RBM38: variants seen among roughly 807,000 people sequenced by gnomAD.
RBM38 encodes the protein RNA binding motif protein 38, also known as RNA-binding protein 38.
Under a neutral mutation model 23.5 loss-of-function variants are expected in RBM38, and 11 were observed. The observed-to-expected ratio is 0.47, with a 90% confidence interval of 0.29 to 0.77. RBM38 has a LOEUF of 0.77. RBM38 is among the 30% of genes least tolerant of loss of function. The probability of loss-of-function intolerance (pLI) is 0.08; values close to 1 mark genes in which losing one functional copy is unlikely to be tolerated. For synonymous variants in RBM38, 165 were observed against 166.1 expected (o/e 0.99, Z 0.05); for missense variants, 330 against 351.9 (o/e 0.94, Z 0.50).
Position 57,407,819 on chromosome 20 carries a change from G to C in RBM38, c.693G>C (p.Pro231=). 1 of 1,580,206 alleles carries C rather than the reference G, an allele frequency of 6.3e-7. No individual in the cohort carries two copies. Among genetic ancestry groups the C allele is most frequent in the Non-Finnish European group, 8.6e-7 (1 of 1,166,490 alleles). Residue 231 remains proline (P), a synonymous_variant, in exon 4 of 4, where the codon CCG becomes CCC. Transcript: ENST00000356208. The surrounding 1 kb of genome is among the most constrained non-coding windows in gnomAD (Gnocchi z 4.0). ...AGTTFVQYQA[P]QLQPDRMQ Reference sequence around the variant, plus strand: ...CCACTTTCGTGCAGTACCAGGCGCCGCAGCTGCAGCCTGACAGGATGCAGT... The same window carrying C: ...CCACTTTCGTGCAGTACCAGGCGCCCCAGCTGCAGCCTGACAGGATGCAGT...
rs1426533830 is a variant in RBM38 at position 57,391,796 on chromosome 20, G to A, written c.215G>A (p.Gly72Asp). 5 of 1,563,872 alleles carry A rather than the reference G, an allele frequency of 3.2e-6. No individual in the cohort carries two copies. Among genetic ancestry groups the A allele is most frequent in the African/African-American group, 1.4e-5 (1 of 71,444 alleles). Reference sequence around the variant, plus strand: ...GTGGTCATCACCGACCGCCAGACGGGCAAGTCCCGCGGCTACGGCTTCGTA... The same window carrying A: ...GTGGTCATCACCGACCGCCAGACGGACAAGTCCCGCGGCTACGGCTTCGTA... ...EAVVITDRQT[G>D]KSRGYGFVTM... The change falls in exon 1 of 4, where the codon GGC becomes GAC. Residue 72 changes from glycine to aspartate, a missense_variant. By Grantham distance (94) the Gly-to-Asp change is moderately conservative (BLOSUM62 -1). This residue lies in a region of RBM38 where 95 missense variants were observed against 111.9 expected (regional missense o/e 0.85). Transcript: ENST00000356208.
chr20:57,407,942 A>G lies in RBM38; in HGVS notation c.*96A>G, dbSNP rs1313088811. ...GCTGGCGACAGCCCGGCTGAGCTTCAGTGAGGTGCCACCAGCACCCGTGCC... is the reference window on the plus strand; with the variant it reads ...GCTGGCGACAGCCCGGCTGAGCTTCGGTGAGGTGCCACCAGCACCCGTGCC... On this transcript the variant is annotated 3_prime_UTR_variant, in exon 4 of 4. Coordinates refer to ENST00000356208, the MANE Select transcript of RBM38 (RefSeq NM_017495.6). The surrounding 1 kb of genome is among the most constrained non-coding windows in gnomAD (Gnocchi z 4.0). 14 of 1,433,210 alleles carry G rather than the reference A, an allele frequency of 9.8e-6. No homozygotes were observed. In the Admixed American group the frequency reaches 2.8e-4, roughly 29 times the overall value. 88.8% of individuals were successfully genotyped at this position (1,433,210 alleles called of 1,614,324 possible).
In RBM38 at chr20:57,392,796, C is replaced by A; in HGVS notation, c.361+19C>A. On this transcript the variant is annotated intron_variant, in intron 2 of 3. Transcript: ENST00000356208. The stretch of plus-strand genomic sequence containing the variant: ...CAGACGGGTGAGAGCTTGTGTTTTC[C>A]TGCCTGGCTCTTCTCGGTTTCTATA... 6.2e-7 allele frequency: 1 copy of A among 1,608,314 alleles called. No homozygotes were observed. Among genetic ancestry groups the A allele is most frequent in the Non-Finnish European group, 8.5e-7 (1 of 1,178,254 alleles).
intron 3 of RBM38, among the ~76,000 whole-genome samples, chr20:57,406,729 C>T (rs937999888): frequency 3.3e-5 from 5 of 152,108 alleles, no homozygotes; most frequent in African/African-American, 1.2e-4. Context: ...CACGGTGGCT[C>T]ACGCCTGTAA....
Position 57,408,442 on chromosome 20 carries a change from C to G in RBM38, c.*596C>G. 1 of 152,990 alleles carries G rather than the reference C, an allele frequency of 6.5e-6. No individual in the cohort carries two copies. Among genetic ancestry groups the G allele is most frequent in the East Asian group, 1.9e-4 (1 of 5,196 alleles). The allele number at this position is 152,990 out of a possible 1,614,324, so 9.5% of individuals were successfully genotyped here. ...CCAGGCGCACAGGGGCCGCCGGTAA[C>G]AGGGGCCGCCGGCCAAAGGCCCCTT... is the stretch of plus-strand genomic sequence containing the variant. On this transcript the variant is annotated 3_prime_UTR_variant, in exon 4 of 4. Coordinates refer to ENST00000356208, the MANE Select transcript of RBM38 (RefSeq NM_017495.6).
At position 57,407,555 on chromosome 20, in the gene RBM38, C is replaced by T; in HGVS notation, c.429C>T (p.His143=). ...CTTGGCCCCACAGGCTGACCCCGCA[C>T]TACATCTACCCACCAGCCATCGTGC... ...LIQRTYGLTP[H]YIYPPAIVQP... is the part of the protein sequence containing the mutation. Residue 143 remains histidine (H), a synonymous_variant, in exon 4 of 4, where the codon CAC becomes CAT. Coordinates refer to ENST00000356208, the MANE Select transcript of RBM38 (RefSeq NM_017495.6). The surrounding 1 kb of genome is among the most constrained non-coding windows in gnomAD (Gnocchi z 4.0). The T allele has an allele frequency of 1.2e-6, 2 of 1,613,668 alleles. No homozygotes were observed. Among genetic ancestry groups the T allele is most frequent in the Non-Finnish European group, 1.7e-6 (2 of 1,179,744 alleles).
intron 3 of RBM38, among the ~76,000 whole-genome samples, chr20:57,406,889 G>A (rs8123192): frequency 0.027 from 4,099 of 152,080 alleles, 188 homozygotes; most frequent in African/African-American, 0.093. Context: ...AGCTACTCAG[G>A]AGGCTGAGGC....
At chr20:57,392,873 C>G in intron 2 of RBM38, 96 bp downstream of exon 2, 1 of 1,499,220 alleles carries the variant, frequency 6.7e-7, no homozygotes, top group Non-Finnish European at 9.0e-7. Context: ...CTCGCCCCAG[C>G]AGTGGCAGTC....
In RBM38 at chr20:57,408,207, C is replaced by G. The variant is rs1371927280; in HGVS notation, c.*361C>G. On this transcript the variant is annotated 3_prime_UTR_variant, in exon 4 of 4. Coordinates refer to ENST00000356208, the MANE Select transcript of RBM38 (RefSeq NM_017495.6). The stretch of plus-strand genomic sequence containing the variant: ...ACTGCTGCATCGTGGCGGGGTGTCA[C>G]AGACCCTCTGCAGCCCCTGGCTGCC... 2.6e-6 allele frequency: 1 copy of G among 381,288 alleles called. No homozygotes were observed. Among genetic ancestry groups the G allele is most frequent in the Non-Finnish European group, 5.0e-6 (1 of 201,100 alleles). 23.6% of individuals were successfully genotyped at this position (381,288 alleles called of 1,614,324 possible).
In RBM38 at chr20:57,407,464, G is replaced by T; in HGVS notation, c.417-79G>T. On this transcript the variant is annotated intron_variant, in intron 3 of 3. Coordinates refer to ENST00000356208, the MANE Select transcript of RBM38 (RefSeq NM_017495.6). This position sits in a 1 kb window ranked among gnomAD's most constrained non-coding sequence, Gnocchi z 4.0. ...CGGGGCTCGGGGTGGGGGGCGGCACGCATCGTGTACCCCACTGTTCTCCCA... is the reference window on the plus strand; with the variant it reads ...CGGGGCTCGGGGTGGGGGGCGGCACTCATCGTGTACCCCACTGTTCTCCCA... The T allele has an allele frequency of 6.8e-7, 1 of 1,459,978 alleles. No individual in the cohort carries two copies. Among genetic ancestry groups the T allele is most frequent in the East Asian group, 2.4e-5 (1 of 41,102 alleles). The allele number at this position is 1,459,978 out of a possible 1,614,324, so 90.4% of individuals were successfully genotyped here.
chr20:57,400,873 C>T (rs896028561), intron 3 of RBM38, among the ~76,000 whole-genome samples: 1 of 152,154 alleles, frequency 6.6e-6, no homozygotes, highest in Non-Finnish European at 1.5e-5. Flanking sequence ...CTGCCCTCTC[C>T]TTTGAGGTTA....
intron 1 of RBM38, chr20:57,392,314 G>T: frequency 1.2e-6 from 1 of 857,668 alleles, no homozygotes; most frequent in South Asian, 1.5e-5. Flanking sequence ...CTTCTCAGAG[G>T]AAAGTCTCGG....
chr20:57,406,911 G>A (rs376273242), intron 3 of RBM38, among the ~76,000 whole-genome samples: 44 of 151,674 alleles, frequency 2.9e-4, no homozygotes, highest in African/African-American at 1.0e-3. Context: ...GGAGAATGGC[G>A]TGAACCCGGG....
At chr20:57,400,000 A>T (rs866868224) in intron 3 of RBM38, 48 of 456,132 alleles carry the variant, frequency 1.1e-4, no homozygotes, top group African/African-American at 8.4e-4. Flanking sequence ...TTCTGCTTTG[A>T]GTGTGGGCAG....
At position 57,391,801 on chromosome 20, in the gene RBM38, T is replaced by C; in HGVS notation, c.220T>C (p.Ser74Pro). Residue 74 changes from serine (S) to proline (P), a missense_variant, in exon 1 of 4, where the codon TCC (serine) becomes CCC (proline). Transcript: ENST00000356208. Reference protein sequence around the residue: ...VVITDRQTGKSRGYGFVTMAD... With the variant: ...VVITDRQTGKPRGYGFVTMAD... The stretch of plus-strand genomic sequence containing the variant: ...CATCACCGACCGCCAGACGGGCAAG[T>C]CCCGCGGCTACGGCTTCGTAAGTGG... The C allele has an allele frequency of 6.4e-7, 1 of 1,553,268 alleles. No homozygotes were observed. The highest frequency in any genetic ancestry group is 8.7e-7 in the Non-Finnish European group (1 of 1,149,032).
At chr20:57,399,730 A>G (rs1409124021) in intron 3 of RBM38, among the ~76,000 whole-genome samples, 1 of 152,074 alleles carries the variant, frequency 6.6e-6, no homozygotes, top group African/African-American at 2.4e-5. Context: ...CCCCCTCACA[A>G]GTCACTGGGG....
chr20:57,405,830 C>G (rs568461506), intron 3 of RBM38, among the ~76,000 whole-genome samples: 48 of 152,176 alleles, frequency 3.2e-4, no homozygotes, highest in African/African-American at 1.2e-3. Flanking sequence ...GGGCTCCTCT[C>G]TGACACTGAG....
At chr20:57,403,198 A>G (rs1018820148) in intron 3 of RBM38, among the ~76,000 whole-genome samples, 8 of 152,088 alleles carry the variant, frequency 5.3e-5, no homozygotes, top group Non-Finnish European at 5.9e-5. Context: ...TTCTAGTGGC[A>G]CCTCTAGGCC....
rs553167705 is a variant in RBM38, at chr20:57,396,558, TC to T, written c.416+3228del. ...GGTTATTTTTGAAGGGCCAGCTGCT[TC>T]CCTGGGTGCGGGTCTCCCTGCCTGT... On this transcript the variant is annotated intron_variant, in intron 3 of 3. Transcript: ENST00000356208. Among the ~76,000 whole-genome samples the T allele has an allele frequency of 6.5e-4, 99 of 152,320 alleles. 1 individual carries two copies. The highest frequency in any genetic ancestry group is 2.2e-3 in the African/African-American group (90 of 41,568).
Sources: gnomAD v4.1 joint callset for allele counts (sites outside exome capture counted in the v4.1 genomes callset) on GRCh38, gnomAD v4.1.1 for gene constraint, gnomAD v4.1.1 regional missense constraint, Gnocchi (gnomAD v3.1) non-coding constraint, MANE v1.5 for transcripts, NCBI Gene and HGNC (gene_info 2026-07-23, HGNC 2026-07-21) for gene names.